Variants in VWA8 observed in about 807,000 individuals in gnomAD.
The protein encoded by VWA8 is von Willebrand factor A domain-containing protein 8.
In VWA8, 221 loss-of-function variants were observed where a neutral mutation model predicts 241.5. That is an observed-to-expected ratio of 0.91 (90% confidence interval 0.82 to 1.02). The LOEUF is 1.02. Ranked by LOEUF, VWA8 falls within the 50% of genes least tolerant of loss-of-function variation. The pLI is 0.00. For missense variants in VWA8, 2,322 were observed against 2,328.7 expected (o/e 1.00, Z 0.06); for synonymous variants, 852 against 827.1 (o/e 1.03, Z -0.52).
At chr13:41,651,721 C>CA (rs983051061) in intron 37 of VWA8, among the ~76,000 whole-genome samples, 31 of 151,228 alleles carry the variant, frequency 2.0e-4, no homozygotes, top group African/African-American at 7.3e-4. Flanking sequence ...GTTTTTTTTC[C>CA]AAAAAAATCT....
At chr13:41,645,856 C>T (rs189303663) in intron 37 of VWA8, among the ~76,000 whole-genome samples, 5 of 151,908 alleles carry the variant, frequency 3.3e-5, no homozygotes, top group Non-Finnish European at 7.4e-5. Context: ...TCTTCACTTA[C>T]TTTTATTTTT....
Position 41,691,389 on chromosome 13 carries a change from G to C in VWA8, c.3797C>G (p.Pro1266Arg). The C allele has an allele frequency of 6.2e-7, 1 of 1,612,884 alleles. No individual in the cohort carries two copies. Among genetic ancestry groups the C allele is most frequent in the Non-Finnish European group, 8.5e-7 (1 of 1,179,108 alleles). The change falls in exon 32 of 45, where the codon CCC becomes CGC. Residue 1266 changes from proline (P) to arginine (R), a missense_variant. Pro to Arg is a moderately radical substitution (Grantham distance 103). Transcript: ENST00000379310. Reference protein sequence around the residue: ...LEGRTHTISLPINLKTVFLVA... With the variant: ...LEGRTHTISLRINLKTVFLVA... ...AAGGAAAACTGTCTTGAGGTTGATG[G>C]GAAGTGAGATGGTGTGAGTTCGCCC...
intron 18 of VWA8, among the ~76,000 whole-genome samples, 155 bp downstream of exon 18, chr13:41,787,282 A>G (rs933856936): frequency 6.7e-6 from 1 of 149,038 alleles, no homozygotes; most frequent in African/African-American, 2.5e-5. Flanking sequence ...AACTTAAAAA[A>G]ATCAGATTCA....
At chr13:41,890,595 T>C (rs752676412) in intron 5 of VWA8, among the ~76,000 whole-genome samples, 36 of 152,244 alleles carry the variant, frequency 2.4e-4, no homozygotes, top group Admixed American at 1.6e-3. Flanking sequence ...TACTTATTCA[T>C]TCATTCAACA....
chr13:41,853,404 A>G (rs1214683684), intron 12 of VWA8, among the ~76,000 whole-genome samples: 1 of 152,134 alleles, frequency 6.6e-6, no homozygotes, highest in Non-Finnish European at 1.5e-5. Flanking sequence ...ACGAGTCTGA[A>G]AGTATTCCCT....
intron 1 of VWA8, chr13:41,955,825 G>A (rs1277802548): frequency 6.6e-6 from 1 of 152,212 alleles, no homozygotes; most frequent in Non-Finnish European, 1.5e-5. Context: ...TAGCCAATCT[G>A]AGCAGCTGAG....
chr13:41,927,474 G>GAAGAGAGAC (rs1429457253), intron 2 of VWA8: 1 of 231,210 alleles, frequency 4.3e-6, no homozygotes, highest in African/African-American at 2.3e-5. Context: ...TCAGCCATCA[G>GAAGAGAGAC]AAGAGAGACA....
At chr13:41,580,472 G>A (rs768613054) in intron 42 of VWA8, among the ~76,000 whole-genome samples, 42 of 152,264 alleles carry the variant, frequency 2.8e-4, no homozygotes, top group Non-Finnish European at 5.4e-4. Flanking sequence ...AATTTCCCTG[G>A]CAGGTGCTGA....
chr13:41,921,543 T>C (rs913037787), intron 2 of VWA8, among the ~76,000 whole-genome samples: 2 of 152,208 alleles, frequency 1.3e-5, no homozygotes, highest in Non-Finnish European at 2.9e-5. Flanking sequence ...AAAGCCCCAT[T>C]GTCTCAGCCC....
Position 41,897,472 on chromosome 13 carries a change from C to T in VWA8, c.484-5885G>A, listed in dbSNP as rs548152328. 2.8e-5 allele frequency among the ~76,000 whole-genome samples: 4 copies of T among 141,534 alleles called. No individual in the cohort carries two copies. The East Asian group carries it at 6.1e-4, about 22-fold the overall frequency. The allele number at this position is 141,534 out of a possible 152,430, so 92.9% of individuals were successfully genotyped here. On this transcript the variant is annotated intron_variant, in intron 4 of 44. Transcript: ENST00000379310. ...TTGATGGAAATGTAAATTAGTACAGCCATTATAAAAAACAATATGGAGGTT... is the reference window on the plus strand; with the variant it reads ...TTGATGGAAATGTAAATTAGTACAGTCATTATAAAAAACAATATGGAGGTT...
chr13:41,894,013 T>C (rs1444748762), intron 4 of VWA8, among the ~76,000 whole-genome samples: 2 of 152,234 alleles, frequency 1.3e-5, no homozygotes, highest in Non-Finnish European at 2.9e-5. Context: ...TAGGGTAATA[T>C]TATTTTAAGA....
At chr13:41,752,586 C>T (rs2137894562) in intron 21 of VWA8, among the ~76,000 whole-genome samples, 1 of 152,082 alleles carries the variant, frequency 6.6e-6, no homozygotes, top group Middle Eastern at 3.4e-3. Flanking sequence ...CAAAAAGTTC[C>T]CTATTTAGTT....
rs547059951 is a variant in VWA8 at position 41,568,016 on chromosome 13, G to A, written c.*181C>T. On this transcript the variant is annotated 3_prime_UTR_variant, in exon 45 of 45. Transcript: ENST00000379310. ...CAGTGGAGTATCTTTCCATGTTTAA[G>A]TCTCCTTCTGGCTGCTTCTCTGAAT... is the stretch of plus-strand genomic sequence containing the variant. 1 of 583,210 alleles carries A rather than the reference G, an allele frequency of 1.7e-6. No individual in the cohort carries two copies. The highest frequency in any genetic ancestry group is 3.1e-5 in the Admixed American group (1 of 32,450). 36.1% of individuals were successfully genotyped at this position (583,210 alleles called of 1,614,324 possible). A position where few individuals can be genotyped will look rare whatever the true frequency, so the allele number is the denominator to read the frequency against.
intron 12 of VWA8, among the ~76,000 whole-genome samples, chr13:41,835,053 G>A (rs1871656193): frequency 1.3e-5 from 2 of 152,174 alleles, no homozygotes; most frequent in Admixed American, 1.3e-4. Context: ...CACACATGGT[G>A]GGGAACAACA....
At chr13:41,945,688 T>C (rs1416577896) in intron 2 of VWA8, among the ~76,000 whole-genome samples, 1 of 151,940 alleles carries the variant, frequency 6.6e-6, no homozygotes, top group East Asian at 1.9e-4. Context: ...ATCAGCAAAC[T>C]TGAAGATTAG....
intron 39 of VWA8, 71 bp downstream of exon 39, chr13:41,611,505 G>A (rs1389085904): frequency 2.0e-6 from 3 of 1,531,886 alleles, no homozygotes; most frequent in South Asian, 1.3e-5. Context: ...ACAAATCTAG[G>A]TTTCCCCACA....
intron 2 of VWA8, among the ~76,000 whole-genome samples, chr13:41,912,578 T>C (rs1053199900): frequency 4.6e-5 from 7 of 152,134 alleles, no homozygotes; most frequent in Non-Finnish European, 8.8e-5. Flanking sequence ...GTCCAATCTT[T>C]TTGTTCTAAA....
In VWA8 at chr13:41,885,942, A is replaced by G; in HGVS notation, c.953T>C (p.Leu318Ser). The G allele has an allele frequency of 1.3e-6, 2 of 1,594,050 alleles. No individual in the cohort carries two copies. Among genetic ancestry groups the G allele is most frequent in the Non-Finnish European group, 1.7e-6 (2 of 1,174,768 alleles). Residue 318 changes from leucine (L) to serine (S), a missense_variant, in exon 8 of 45, where the codon TTA becomes TCA. Leu to Ser is a moderately radical substitution (Grantham distance 145). Transcript: ENST00000379310. The stretch of plus-strand genomic sequence containing the variant: ...TACCAAGATTTGAACCGCAGCTGCT[A>G]AACTATCTAAAGGAAAGTCTGGAAG... Reference protein sequence around the residue: ...LGLPDFPLDSLAAAVQILDSF... With the variant: ...LGLPDFPLDSSAAAVQILDSF...
At chr13:41,687,277 G>A (rs2045143152) in intron 34 of VWA8, among the ~76,000 whole-genome samples, 1 of 152,096 alleles carries the variant, frequency 6.6e-6, no homozygotes, top group Admixed American at 6.6e-5. Context: ...AATGGTAACA[G>A]TGGGCAACCT....
Sources: allele counts gnomAD v4.1 joint callset (sites outside exome capture counted in the v4.1 genomes callset), GRCh38; gene constraint gnomAD v4.1.1; transcripts MANE v1.5; gene names NCBI Gene and HGNC (gene_info 2026-07-23, HGNC 2026-07-21).